UGT1A3: variants seen among roughly 807,000 people sequenced by gnomAD.
UGT1A3 encodes UDP-glucuronosyltransferase 1A3.
A neutral mutation model predicts 41.0 loss-of-function variants in UGT1A3; 31 were observed. That is an observed-to-expected ratio of 0.76 (90% CI 0.57 to 1.02). The LOEUF (loss-of-function observed/expected upper bound fraction) is 1.02. UGT1A3 is among the 50% of genes least tolerant of loss of function. The pLI is 0.00. For synonymous variants in UGT1A3, 262 were observed against 257.6 expected (o/e 1.02, Z -0.17); for missense variants, 737 against 671.0 (o/e 1.10, Z -1.09).
chr2:233,730,885 G>C (rs948643464), intron 1 of UGT1A3, among the ~76,000 whole-genome samples: 12 of 152,158 alleles, frequency 7.9e-5, no homozygotes, highest in South Asian at 2.1e-4. Flanking sequence ...TTTCTATAGT[G>C]GGATCTACTC....
intron 1 of UGT1A3, chr2:233,743,631 G>A: frequency 7.3e-7 from 1 of 1,367,310 alleles, no homozygotes; most frequent in South Asian, 1.1e-5. Flanking sequence ...ACGTCGGCTG[G>A]GTCGCGGAAG....
intron 1 of UGT1A3, among the ~76,000 whole-genome samples, chr2:233,731,993 G>T (rs913496587): frequency 6.6e-6 from 1 of 152,180 alleles, no homozygotes; most frequent in African/African-American, 2.4e-5. Context: ...GGCGTGAGAT[G>T]GTATCTCATT....
In UGT1A3 at chr2:233,729,370, A is replaced by G. The variant is rs1463056784; in HGVS notation, c.244A>G (p.Ile82Val). ...CTTTTTCACCCTGACAACCTATGCC[A>G]TTTCGTGGACCCAGGATGAATTTGA... is the stretch of plus-strand genomic sequence containing the variant. ...ENFFTLTTYA[I>V]SWTQDEFDRH... Residue 82 changes from isoleucine (I) to valine (V), a missense_variant, in exon 1 of 5, where the codon ATT (isoleucine) becomes GTT (valine). Coordinates refer to ENST00000482026, the MANE Select transcript of UGT1A3 (RefSeq NM_019093.4). The G allele has an allele frequency of 9.3e-6, 15 of 1,613,960 alleles. No individual in the cohort carries two copies. Among genetic ancestry groups the G allele is most frequent in the Non-Finnish European group, 1.2e-5 (14 of 1,179,940 alleles).
intron 1 of UGT1A3, among the ~76,000 whole-genome samples, chr2:233,739,561 C>T (rs1384558605): frequency 1.3e-5 from 2 of 152,192 alleles, no homozygotes; most frequent in African/African-American, 4.8e-5. Flanking sequence ...TAATGACTGC[C>T]CTGCCTGGTT....
At chr2:233,764,109 T>C (rs1698482048) in intron 1 of UGT1A3, among the ~76,000 whole-genome samples, 2 of 152,214 alleles carry the variant, frequency 1.3e-5, no homozygotes, top group African/African-American at 2.4e-5. Flanking sequence ...TACAAAATTC[T>C]TGGTAAAGTT....
At chr2:233,755,269 T>C in intron 1 of UGT1A3, 1 of 759,984 alleles carries the variant, frequency 1.3e-6, no homozygotes, top group East Asian at 5.3e-5. Context: ...TAGTCCACTA[T>C]GCTGGACTGC....
In UGT1A3 at chr2:233,769,317, C is replaced by T. The variant is rs1699835455; in HGVS notation, c.1307+878C>T. On this transcript the variant is annotated intron_variant, in intron 4 of 4. Transcript: ENST00000482026. The surrounding 1 kb of genome is among the most constrained non-coding windows in gnomAD (Gnocchi z 4.4). ...AGTTAGTATATTACTGTCAAGCTCA[C>T]TGGTAATAGGCTTATTAGAACCTTA... is the stretch of plus-strand genomic sequence containing the variant. Among the ~76,000 whole-genome samples, 1 of 152,214 alleles carries T rather than the reference C, an allele frequency of 6.6e-6. No individual in the cohort carries two copies. The highest frequency in any genetic ancestry group is 1.5e-5 in the Non-Finnish European group (1 of 68,028).
chr2:233,759,396 C>T (rs1317272404), intron 1 of UGT1A3, among the ~76,000 whole-genome samples: 1 of 152,086 alleles, frequency 6.6e-6, no homozygotes, highest in African/African-American at 2.4e-5. Context: ...TCAGAGTAAC[C>T]GTGTGACCTG....
At chr2:233,755,785 T>A (rs1696021377) in intron 1 of UGT1A3, 1 of 152,588 alleles carries the variant, frequency 6.6e-6, no homozygotes, top group Non-Finnish European at 1.5e-5. Flanking sequence ...ATGCCTATCA[T>A]ATGTACTGCA....
chr2:233,768,654 T>C (rs1699689633), intron 4 of UGT1A3, among the ~76,000 whole-genome samples: 2 of 149,892 alleles, frequency 1.3e-5, no homozygotes, highest in Non-Finnish European at 3.0e-5. Flanking sequence ...TGGTGCAATC[T>C]TGGCTTACTG....
intron 1 of UGT1A3, among the ~76,000 whole-genome samples, chr2:233,761,308 T>C (rs72551346): frequency 6.6e-6 from 1 of 152,246 alleles, no homozygotes; most frequent in Non-Finnish European, 1.5e-5. Context: ...GAGTCTGTCT[T>C]TGGCATCATC....
chr2:233,766,415 C>T (rs1416459239), intron 1 of UGT1A3, among the ~76,000 whole-genome samples: 1 of 152,164 alleles, frequency 6.6e-6, no homozygotes, highest in Admixed American at 6.5e-5. Context: ...CTGATGTGCT[C>T]CTCCCGATGT....
At chr2:233,746,611 C>A (rs1265902828) in intron 1 of UGT1A3, among the ~76,000 whole-genome samples, 1 of 151,736 alleles carries the variant, frequency 6.6e-6, no homozygotes. Context: ...GTTCACCTGA[C>A]CCCTCCTTTC....
At chr2:233,750,627 TC>T (rs1482081240) in intron 1 of UGT1A3, 1 of 151,448 alleles carries the variant, frequency 6.6e-6, no homozygotes, top group Non-Finnish European at 1.5e-5. Flanking sequence ...GGGTCCATGC[TC>T]CCCCTGCTGT....
chr2:233,745,155 C>G (rs1330223752), intron 1 of UGT1A3, among the ~76,000 whole-genome samples: 5 of 151,764 alleles, frequency 3.3e-5, no homozygotes, highest in Admixed American at 6.6e-5. Flanking sequence ...TATGGAGGGT[C>G]AAATGTGCAT....
At chr2:233,745,942 T>C (rs1437822844) in intron 1 of UGT1A3, among the ~76,000 whole-genome samples, 1 of 151,412 alleles carries the variant, frequency 6.6e-6, no homozygotes, top group Non-Finnish European at 1.5e-5. Flanking sequence ...CAGCTGGGGG[T>C]TGGGCAACTG....
chr2:233,747,212 A>G, intron 1 of UGT1A3: 1 of 1,605,294 alleles, frequency 6.2e-7, no homozygotes, highest in South Asian at 1.1e-5. Context: ...TCTTCTGCTG[A>G]GATGGCCACA....
At chr2:233,754,435 G>T (rs1695484691) in intron 1 of UGT1A3, 21 of 350,618 alleles carry the variant, frequency 6.0e-5, no homozygotes, top group South Asian at 4.7e-4. Context: ...GGCATAAAGT[G>T]TTTATAAATT....
intron 1 of UGT1A3, among the ~76,000 whole-genome samples, chr2:233,752,866 C>G (rs1227879768): frequency 6.6e-6 from 1 of 152,186 alleles, no homozygotes; most frequent in Non-Finnish European, 1.5e-5. Context: ...TTTGTGTTAG[C>G]TTTCAACTGT....
Sources: gnomAD v4.1 joint callset for allele counts (sites outside exome capture counted in the v4.1 genomes callset) on GRCh38, gnomAD v4.1.1 for gene constraint, Gnocchi (gnomAD v3.1) non-coding constraint, MANE v1.5 for transcripts, NCBI Gene and HGNC (gene_info 2026-07-23, HGNC 2026-07-21) for gene names.